Variants in GGTA1 observed in about 807,000 individuals in gnomAD.
GGTA1 encodes the protein glycoprotein alpha-galactosyltransferase 1 (inactive).
Under a neutral mutation model 2.6 loss-of-function variants are expected in GGTA1, and 5 were observed. The observed-to-expected ratio is 1.92, with a 90% confidence interval of 1.00 to 4.04. GGTA1 has a LOEUF of 4.04. GGTA1 is among the 30% of genes most tolerant of loss of function. The pLI, the probability that GGTA1 is intolerant of heterozygous loss-of-function variation, is 0.00. For synonymous variants in GGTA1, 17 were observed against 5.0 expected, an observed-to-expected ratio of 3.38 and a Z score of -3.19; for missense variants, 50 against 16.7, an observed-to-expected ratio of 2.99 and a Z score of -3.47.
intron 7 of GGTA1, among the ~76,000 whole-genome samples, chr9:121,449,506 G>A (rs1181080373): frequency 2.0e-5 from 3 of 152,182 alleles, no homozygotes; most frequent in East Asian, 3.9e-4. Flanking sequence ...GGTATTTAGT[G>A]GTATTTTAAC....
intron 1 of GGTA1, chr9:121,479,399 G>T: frequency 3.2e-6 from 1 of 308,932 alleles, no homozygotes. Flanking sequence ...GCAGCCAGGG[G>T]CTTTGTTCCT....
intron 1 of GGTA1, among the ~76,000 whole-genome samples, chr9:121,473,338 A>G: frequency 7.1e-6 from 1 of 140,108 alleles, no homozygotes; most frequent in Non-Finnish European, 1.6e-5. Flanking sequence ...AAAAAAAAAA[A>G]GACTTAGAAT....
At chr9:121,499,261 C>G (rs1486451812) in intron 1 of GGTA1, among the ~76,000 whole-genome samples, 1 of 152,146 alleles carries the variant, frequency 6.6e-6, no homozygotes, top group African/African-American at 2.4e-5. Flanking sequence ...ATTCCTCTGT[C>G]CTGCCCCACA....
intron 1 of GGTA1, among the ~76,000 whole-genome samples, chr9:121,481,923 G>T (rs1217514131): frequency 6.6e-6 from 1 of 151,734 alleles, no homozygotes; most frequent in Non-Finnish European, 1.5e-5. Flanking sequence ...TTGAACCTGG[G>T]AGGCAGAGGT....
At chr9:121,479,383 C>A (rs969016877) in intron 1 of GGTA1, 2 of 321,600 alleles carry the variant, frequency 6.2e-6, no homozygotes, top group East Asian at 1.8e-4. Context: ...GTAGACAGAG[C>A]CCTCAGCAGC....
rs1564659495 is a variant in GGTA1, at chr9:121,496,757, A to AAG, written c.-10+2891_-10+2892dup. On this transcript the variant is annotated intron_variant, in intron 1 of 5. Coordinates refer to ENST00000481799, the MANE Select transcript of GGTA1 (RefSeq NM_001382585.1). ...AAAAAAAAAAAAAAAAAAAAAAAAAAAGAGAGAGAGAATCGCTTGAATGAA... is the reference window on the plus strand; with the variant it reads ...AAAAAAAAAAAAAAAAAAAAAAAAAAAGAGAGAGAGAGAATCGCTTGAATGAA... Among the ~76,000 whole-genome samples the AAG allele has an allele frequency of 6.4e-3, 713 of 111,862 alleles. 15 individuals are homozygous for AAG. The highest frequency in any genetic ancestry group is 9.6e-3 in the Non-Finnish European group (465 of 48,236). 73.4% of individuals were successfully genotyped at this position (111,862 alleles called of 152,430 possible).
At chr9:121,488,365 C>T (rs557349853) in intron 1 of GGTA1, among the ~76,000 whole-genome samples, 7 of 152,260 alleles carry the variant, frequency 4.6e-5, no homozygotes, top group East Asian at 3.9e-4. Flanking sequence ...AGGCTAGCAC[C>T]GTTCTAAACC....
intron 1 of GGTA1, among the ~76,000 whole-genome samples, chr9:121,488,585 T>C (rs527369430): frequency 6.6e-6 from 1 of 152,106 alleles, no homozygotes; most frequent in Non-Finnish European, 1.5e-5. Flanking sequence ...CAGGTGGTGG[T>C]GGACACCTGT....
exon 8 of GGTA1, chr9:121,446,675 T>C (rs2064853637): frequency 6.6e-6 from 1 of 152,232 alleles, no homozygotes; most frequent in Admixed American, 6.5e-5. Flanking sequence ...CAGTTGATAG[T>C]ATTTCCCCCA....
chr9:121,473,694 G>T (rs917911069), intron 1 of GGTA1, among the ~76,000 whole-genome samples: 24 of 152,262 alleles, frequency 1.6e-4, no homozygotes, highest in African/African-American at 5.8e-4. Flanking sequence ...GGGAGGCCAA[G>T]ATGGGCAGAT....
At chr9:121,474,055 A>G (rs756680961) in intron 1 of GGTA1, among the ~76,000 whole-genome samples, 1 of 151,810 alleles carries the variant, frequency 6.6e-6, no homozygotes, top group Non-Finnish European at 1.5e-5. Flanking sequence ...AAAAGAAAAG[A>G]AAGTTCTAAA....
chr9:121,493,941 G>A (rs569046909), intron 1 of GGTA1, among the ~76,000 whole-genome samples: 2 of 151,940 alleles, frequency 1.3e-5, no homozygotes, highest in South Asian at 4.2e-4. Context: ...ATTTTCAGTA[G>A]AGACGGGGTT....
rs1001082535 is a variant in GGTA1, at chr9:121,461,306, A to C, written c.128T>G (p.Val43Gly). 10 of 456,006 alleles carry C rather than the reference A, an allele frequency of 2.2e-5. No homozygotes were observed. Among genetic ancestry groups the C allele is most frequent in the African/African-American group, 1.8e-4 (9 of 50,062 alleles). 28.2% of individuals were successfully genotyped at this position (456,006 alleles called of 1,614,324 possible). A position where few individuals can be genotyped will look rare whatever the true frequency, so the allele number is the denominator to read the frequency against. The change falls in exon 4 of 6, where the codon GTT becomes GGT. Residue 43 changes from valine (V) to glycine (G), a missense_variant. Coordinates refer to ENST00000481799, the MANE Select transcript of GGTA1 (RefSeq NM_001382585.1). The part of the protein sequence containing the change: ...LWIYHSKNPE[V>G]DDSSAQKGWW... ...GCCCTTCTGAGCACTGCTGTCATCA[A>C]CTTCTGGGTTTCTAAGAAATGAAAA...
At chr9:121,477,573 CTTTT>C (rs34446366) in intron 1 of GGTA1, among the ~76,000 whole-genome samples, 2 of 101,492 alleles carry the variant, frequency 2.0e-5, no homozygotes, top group African/African-American at 4.2e-5. Flanking sequence ...TGCAACCTTG[CTTTT>C]TTTTTTTTTT....
intron 1 of GGTA1, among the ~76,000 whole-genome samples, chr9:121,491,428 C>T (rs540930062): frequency 3.3e-5 from 5 of 152,224 alleles, no homozygotes; most frequent in South Asian, 2.1e-4. Flanking sequence ...AAGAGCAGGA[C>T]GATTGATTCT....
intron 5 of GGTA1, among the ~76,000 whole-genome samples, chr9:121,457,700 T>TAAA (rs35336090): frequency 0.02 from 2,483 of 122,964 alleles, 60 homozygotes; most frequent in East Asian, 0.088. Flanking sequence ...GAATCCATCT[T>TAAA]AAAAAAAAAA....
In GGTA1 at chr9:121,476,413, C is replaced by T. The variant is rs16910653; in HGVS notation, c.-9-8482G>A. Among the ~76,000 whole-genome samples, 912 of 152,232 alleles carry T rather than the reference C, an allele frequency of 6.0e-3. 6 individuals are homozygous for T. Among genetic ancestry groups the T allele is most frequent in the African/African-American group, 0.019 (801 of 41,524 alleles). On this transcript the variant is annotated intron_variant, in intron 1 of 5. Coordinates refer to ENST00000481799, the MANE Select transcript of GGTA1 (RefSeq NM_001382585.1). This position sits in a 1 kb window ranked among gnomAD's most constrained non-coding sequence, Gnocchi z 4.6. ...GTGCCAGCTTTCTAAACTGGCGTCA[C>T]GAGTTTCTCTGGCCTCAGACTCCTT...
chr9:121,490,828 G>A (rs1490394374), intron 1 of GGTA1, among the ~76,000 whole-genome samples: 2 of 152,176 alleles, frequency 1.3e-5, no homozygotes, highest in African/African-American at 4.8e-5. Context: ...TCAGTGAGCT[G>A]AAATCTCCCT....
intron 1 of GGTA1, among the ~76,000 whole-genome samples, chr9:121,494,114 T>G (rs1325858040): frequency 6.6e-6 from 1 of 152,106 alleles, no homozygotes; most frequent in Non-Finnish European, 1.5e-5. Context: ...ACTCTCTGAG[T>G]TAGACCCATG....
Sources: gnomAD v4.1 joint callset for allele counts (sites outside exome capture counted in the v4.1 genomes callset) on GRCh38, gnomAD v4.1.1 for gene constraint, Gnocchi (gnomAD v3.1) non-coding constraint, MANE v1.5 for transcripts, NCBI Gene and HGNC (gene_info 2026-07-23, HGNC 2026-07-21) for gene names.